The following PHLDB2 variants were observed in gnomAD, a reference collection of about 807,000 sequenced individuals.
The protein encoded by PHLDB2 is pleckstrin homology like domain family B member 2.
In PHLDB2, 71 loss-of-function variants were observed where a neutral mutation model predicts 123.6. That is an observed-to-expected ratio of 0.57 (90% CI 0.47 to 0.70). The LOEUF (loss-of-function observed/expected upper bound fraction) is 0.70, where lower values mean the gene tolerates loss of function less well. PHLDB2 is among the 30% of genes least tolerant of loss of function. The pLI, the probability that PHLDB2 is intolerant of heterozygous loss-of-function variation, is 0.00. For missense variants in PHLDB2, 1,446 were observed against 1,519.5 expected (o/e 0.95, Z 0.80); for synonymous variants, 547 against 541.6 (o/e 1.01, Z -0.14).
At chr3:111,767,661 C>T (rs1052144114) in intron 1 of PHLDB2, among the ~76,000 whole-genome samples, 3 of 152,154 alleles carry the variant, frequency 2.0e-5, no homozygotes, top group Admixed American at 6.5e-5. Flanking sequence ...CTGTACCTGG[C>T]ATATAGTGAA....
At position 111,926,671 on chromosome 3, in the gene PHLDB2, A is replaced by C. The variant is rs114735505; in HGVS notation, c.2002-5598A>C. ...CAAAGGAAAAAAATCTAAGAAAGAA[A>C]GAATTATAGGATGTTCCTCTTCAGA... On this transcript the variant is annotated intron_variant, in intron 5 of 17. Coordinates refer to ENST00000431670, the MANE Select transcript of PHLDB2 (RefSeq NM_001134438.2). Among the ~76,000 whole-genome samples, 1,110 of 152,304 alleles carry C rather than the reference A, an allele frequency of 7.3e-3. 16 individuals carry two copies. The highest frequency in any genetic ancestry group is 0.025 in the African/African-American group (1,040 of 41,558).
At chr3:111,960,642 A>G (rs2071347703) in intron 12 of PHLDB2, among the ~76,000 whole-genome samples, 1 of 152,222 alleles carries the variant, frequency 6.6e-6, no homozygotes, top group Non-Finnish European at 1.5e-5. Context: ...CTCTTCTTTC[A>G]TCCTCTTGCC....
chr3:111,939,590 G>A lies in PHLDB2; in HGVS notation c.2246G>A (p.Arg749His), dbSNP rs776854114. ...EKENLTQQLL[R>H]EVAEYQRNIV... ...GAGAACTTGACTCAACAGCTCCTGC[G>A]TGAAGTTGCTGAATATCAACGGAAC... The change falls in exon 7 of 18, where the codon CGT becomes CAT. Residue 749 changes from arginine to histidine, a missense_variant. Coordinates refer to ENST00000431670, the MANE Select transcript of PHLDB2 (RefSeq NM_001134438.2). 17 of 1,613,560 alleles carry A rather than the reference G, an allele frequency of 1.1e-5. No homozygotes were observed. The highest frequency in any genetic ancestry group is 5.3e-5 in the African/African-American group (4 of 75,014).
chr3:111,853,223 A>G (rs1295140475), intron 2 of PHLDB2, among the ~76,000 whole-genome samples: 2 of 152,212 alleles, frequency 1.3e-5, no homozygotes, highest in African/African-American at 4.8e-5. Flanking sequence ...TTACACAAAA[A>G]TTTAATGGTA....
chr3:111,845,700 T>C (rs2063951131), intron 1 of PHLDB2: 1 of 1,095,630 alleles, frequency 9.1e-7, no homozygotes, highest in South Asian at 1.6e-5. Context: ...ACTTCAGCAG[T>C]AGTTAGTTTC....
chr3:111,792,678 T>G (rs531567541), intron 1 of PHLDB2, among the ~76,000 whole-genome samples: 1 of 151,852 alleles, frequency 6.6e-6, no homozygotes, highest in South Asian at 2.1e-4. Context: ...CTACACTCCA[T>G]CCGGGGTGAC....
intron 1 of PHLDB2, among the ~76,000 whole-genome samples, chr3:111,733,045 C>T (rs12632878): frequency 0.31 from 47,559 of 152,006 alleles, 8,492 homozygotes; most frequent in African/African-American, 0.48. Context: ...CCAGAATTTT[C>T]GTTGCATAAT....
chr3:111,754,705 G>A (rs2059852161), intron 1 of PHLDB2, among the ~76,000 whole-genome samples: 2 of 147,826 alleles, frequency 1.4e-5, no homozygotes, highest in South Asian at 4.4e-4. Context: ...GGAGTGGTGA[G>A]AGAGGGCATC....
chr3:111,769,118 T>G (rs2060131392), intron 1 of PHLDB2, among the ~76,000 whole-genome samples: 1 of 152,210 alleles, frequency 6.6e-6, no homozygotes, highest in Non-Finnish European at 1.5e-5. Flanking sequence ...ATTTATCAAC[T>G]GAGAGCAGCA....
chr3:111,825,652 T>A (rs769183023), intron 1 of PHLDB2, among the ~76,000 whole-genome samples: 17 of 152,246 alleles, frequency 1.1e-4, no homozygotes, highest in Non-Finnish European at 2.5e-4. Flanking sequence ...TCTGCCATGT[T>A]GGCCAGACTG....
In PHLDB2 at chr3:111,948,956, A is replaced by C. The variant is rs772901248; in HGVS notation, c.2512A>C (p.Asn838His). The C allele has an allele frequency of 1.2e-6, 2 of 1,614,028 alleles. No individual in the cohort carries two copies. Among genetic ancestry groups the C allele is most frequent in the Non-Finnish European group, 1.7e-6 (2 of 1,179,954 alleles). ...KEGYISVNEINEPCGNSTNLS... is the reference protein window; with the variant it reads ...KEGYISVNEIHEPCGNSTNLS... ...GGGCTATATCAGTGTAAATGAGATT[A>C]ATGAGCCGTGTGGCAATTCCACGAA... Residue 838 changes from asparagine (N) to histidine (H), a missense_variant, in exon 10 of 18, where the codon AAT becomes CAT. Transcript: ENST00000431670.
intron 8 of PHLDB2, among the ~76,000 whole-genome samples, chr3:111,943,013 T>G (rs1398352763): frequency 1.3e-5 from 2 of 152,084 alleles, no homozygotes; most frequent in African/African-American, 4.8e-5. Context: ...ATTTCAGTGT[T>G]CGTGGCAAAA....
chr3:111,758,001 G>A (rs1224402637), intron 1 of PHLDB2, among the ~76,000 whole-genome samples: 1 of 152,170 alleles, frequency 6.6e-6, no homozygotes, highest in African/African-American at 2.4e-5. Context: ...TGAGGTGTCA[G>A]TCTGCCCCTA....
chr3:111,806,208 A>G (rs2061581459), intron 1 of PHLDB2, among the ~76,000 whole-genome samples: 1 of 152,136 alleles, frequency 6.6e-6, no homozygotes, highest in Admixed American at 6.5e-5. Flanking sequence ...CTCCCATTGT[A>G]AGTGTACAAT....
chr3:111,739,742 G>T (rs1371898634), intron 1 of PHLDB2, among the ~76,000 whole-genome samples: 2 of 152,042 alleles, frequency 1.3e-5, no homozygotes, highest in African/African-American at 4.8e-5. Flanking sequence ...CTAACTGGGT[G>T]CCTGTGCTCG....
intron 14 of PHLDB2, among the ~76,000 whole-genome samples, chr3:111,967,190 C>G (rs760176927): frequency 6.6e-6 from 1 of 152,196 alleles, no homozygotes; most frequent in East Asian, 1.9e-4. Context: ...GCATCCTGCC[C>G]TGAAGGGCAC....
intron 1 of PHLDB2, among the ~76,000 whole-genome samples, chr3:111,787,484 G>T (rs955579688): frequency 7.2e-5 from 11 of 152,124 alleles, no homozygotes; most frequent in African/African-American, 2.7e-4. Context: ...AACATTCACA[G>T]ACCCTTTTCC....
At chr3:111,879,616 G>C (rs2065835912) in intron 1 of PHLDB2, among the ~76,000 whole-genome samples, 1 of 152,118 alleles carries the variant, frequency 6.6e-6, no homozygotes, top group South Asian at 2.1e-4. Context: ...TTTGTAAAGT[G>C]TAACTTTTTT....
At chr3:111,824,653 G>A (rs1448380942) in intron 1 of PHLDB2, among the ~76,000 whole-genome samples, 6 of 152,172 alleles carry the variant, frequency 3.9e-5, no homozygotes, top group Non-Finnish European at 7.3e-5. Flanking sequence ...TCAGAATGAA[G>A]CCTGTGTTCA....
Sources: allele counts gnomAD v4.1 joint callset (sites outside exome capture counted in the v4.1 genomes callset), GRCh38; gene constraint gnomAD v4.1.1; transcripts MANE v1.5; gene names NCBI Gene and HGNC (gene_info 2026-07-23, HGNC 2026-07-21).